Variants in COLEC12 observed in about 807,000 individuals in gnomAD.
The protein encoded by COLEC12 is collectin subfamily member 12.
In COLEC12, 33 loss-of-function variants were observed where a neutral mutation model predicts 71.1. The ratio of observed to expected loss-of-function variants is 0.46; its 90% confidence interval spans 0.35 to 0.62. COLEC12 has a LOEUF of 0.62. Among genes scored for constraint, COLEC12 ranks in the 20% least tolerant of loss-of-function variants. COLEC12 has a pLI of 0.00. For synonymous variants in COLEC12, 350 were observed against 353.0 expected (o/e 0.99, Z 0.10); for missense variants, 765 against 916.1 (o/e 0.84, Z 2.13).
At chr18:340,167 G>GT (rs1179637268) in intron 5 of COLEC12, among the ~76,000 whole-genome samples, 1 of 151,550 alleles carries the variant, frequency 6.6e-6, no homozygotes, top group African/African-American at 2.4e-5. Flanking sequence ...AACGCCGCAT[G>GT]TGGAAACACA....
intron 8 of COLEC12, 43 bp from the exon 9 acceptor site, chr18:321,850 C>G: frequency 1.3e-6 from 2 of 1,570,966 alleles, no homozygotes; most frequent in Non-Finnish European, 1.7e-6. Flanking sequence ...CACAGTAATG[C>G]AGAGCTTTTC....
rs141865226 is a variant in COLEC12, at chr18:365,620, G to A, written c.59-8098C>T. Among the ~76,000 whole-genome samples the A allele has an allele frequency of 3.3e-3, 500 of 152,236 alleles. 3 individuals are homozygous for A. Among genetic ancestry groups the A allele is most frequent in the Admixed American group, 4.6e-3 (71 of 15,296 alleles). The stretch of plus-strand genomic sequence containing the variant: ...CTGGGCAAGGTAAGACAGAGGCAAG[G>A]AAGAAGGTGACAGGAGGGTTTATCA... On this transcript the variant is annotated intron_variant, in intron 2 of 9. Transcript: ENST00000400256.
At chr18:369,437 T>TTTTTA (rs1258826408) in intron 2 of COLEC12, among the ~76,000 whole-genome samples, 1 of 121,006 alleles carries the variant, frequency 8.3e-6, no homozygotes, top group African/African-American at 3.0e-5. Context: ...TTTTATTTTT[T>TTTTTA]TTTGGAATAA....
At chr18:335,503 G>A (rs776262385) in intron 5 of COLEC12, among the ~76,000 whole-genome samples, 9 of 152,068 alleles carry the variant, frequency 5.9e-5, no homozygotes, top group African/African-American at 1.4e-4. Flanking sequence ...GAGTTAAAAC[G>A]AGGTGACATG....
intron 2 of COLEC12, among the ~76,000 whole-genome samples, chr18:375,460 C>G (rs1325691986): frequency 6.6e-6 from 1 of 152,180 alleles, no homozygotes; most frequent in African/African-American, 2.4e-5. Flanking sequence ...TCCTCCTCCC[C>G]CATGCCTCCA....
chr18:372,533 G>A lies in COLEC12; in HGVS notation c.59-15011C>T, dbSNP rs144332208. Reference sequence around the variant, plus strand: ...CCTGGGCTCAAGCAATTCTCCCACCGTAGCCTCCTCAGTAGCTGGGACTAC... The same window carrying A: ...CCTGGGCTCAAGCAATTCTCCCACCATAGCCTCCTCAGTAGCTGGGACTAC... On this transcript the variant is annotated intron_variant, in intron 2 of 9. Coordinates refer to ENST00000400256, the MANE Select transcript of COLEC12 (RefSeq NM_130386.3). Among the ~76,000 whole-genome samples, 262 of 152,096 alleles carry A rather than the reference G, an allele frequency of 1.7e-3. 1 individual carries two copies. Among genetic ancestry groups the A allele is most frequent in the Middle Eastern group, 3.4e-3 (1 of 294 alleles).
intron 2 of COLEC12, among the ~76,000 whole-genome samples, chr18:405,853 A>C (rs1186631084): frequency 6.6e-6 from 1 of 152,074 alleles, no homozygotes; most frequent in Non-Finnish European, 1.5e-5. Context: ...TGTCAGAGGC[A>C]TGTGAATCAG....
intron 5 of COLEC12, among the ~76,000 whole-genome samples, chr18:338,083 C>A (rs1914158986): frequency 6.6e-6 from 1 of 152,200 alleles, no homozygotes; most frequent in African/African-American, 2.4e-5. Context: ...GAAGGCTCCT[C>A]CCAACCTAGT....
chr18:451,594 A>T (rs999807102), intron 2 of COLEC12, among the ~76,000 whole-genome samples: 2 of 152,108 alleles, frequency 1.3e-5, no homozygotes, highest in Non-Finnish European at 1.5e-5. Flanking sequence ...AAAAAATACA[A>T]AAATTAGCCA....
In COLEC12 at chr18:334,902, G is replaced by A. The variant is rs761465282; in HGVS notation, c.1656C>T (p.Thr552=). Residue 552 remains threonine (T), a synonymous_variant, in exon 6 of 10, where the codon ACC becomes ACT. Transcript: ENST00000400256. ...GTCCAGGCACCCCAGGCTCCCCAAC[G>A]GTGCCCTGAAGTCCCTGGAAGCCAG... ...GPPGFQGLQG[T]VGEPGVPGPR... 43 of 1,539,824 alleles carry A rather than the reference G, an allele frequency of 2.8e-5. No homozygotes were observed. Among genetic ancestry groups the A allele is most frequent in the Non-Finnish European group, 3.2e-5 (37 of 1,152,580 alleles).
At chr18:420,755 T>TA (rs1176202015) in intron 2 of COLEC12, among the ~76,000 whole-genome samples, 3 of 152,258 alleles carry the variant, frequency 2.0e-5, no homozygotes, top group South Asian at 2.1e-4. Flanking sequence ...TTAACATCCT[T>TA]AAAAAAACCC....
At chr18:365,400 A>G (rs1914833459) in intron 2 of COLEC12, among the ~76,000 whole-genome samples, 1 of 152,212 alleles carries the variant, frequency 6.6e-6, no homozygotes, top group Non-Finnish European at 1.5e-5. Flanking sequence ...GAAAGAAGGT[A>G]CCTTTATAAT....
intron 2 of COLEC12, among the ~76,000 whole-genome samples, chr18:479,526 A>ACTCT (rs541393393): frequency 6.9e-4 from 99 of 144,172 alleles, no homozygotes; most frequent in East Asian, 4.1e-3. Flanking sequence ...TCATTTTCAT[A>ACTCT]CTCTCTCTCT....
At chr18:392,962 T>G (rs1915493926) in intron 2 of COLEC12, among the ~76,000 whole-genome samples, 1 of 152,262 alleles carries the variant, frequency 6.6e-6, no homozygotes, top group African/African-American at 2.4e-5. Context: ...GTTCATTGCC[T>G]GCTACCTAAT....
intron 5 of COLEC12, among the ~76,000 whole-genome samples, chr18:338,661 C>A (rs1269026106): frequency 6.6e-6 from 1 of 152,182 alleles, no homozygotes; most frequent in East Asian, 1.9e-4. Context: ...GATCTATCTC[C>A]TTTAAAAAAG....
intron 2 of COLEC12, among the ~76,000 whole-genome samples, chr18:455,937 C>T (rs7244426): frequency 0.32 from 48,665 of 151,992 alleles, 7,881 homozygotes; most frequent in African/African-American, 0.37. Context: ...GTAAATAGTT[C>T]TTTGCTATTG....
chr18:451,866 G>T (rs995173502), intron 2 of COLEC12, among the ~76,000 whole-genome samples: 5 of 152,190 alleles, frequency 3.3e-5, no homozygotes, highest in Non-Finnish European at 4.4e-5. Context: ...TTTCCAGGGG[G>T]AGGAAATCAA....
intron 2 of COLEC12, among the ~76,000 whole-genome samples, chr18:442,215 C>T (rs1423104304): frequency 6.6e-6 from 1 of 152,184 alleles, no homozygotes; most frequent in Non-Finnish European, 1.5e-5. Context: ...ATAAAGGCTA[C>T]TGTGGCTCTC....
At chr18:449,151 A>G (rs114276477) in intron 2 of COLEC12, among the ~76,000 whole-genome samples, 1 of 152,164 alleles carries the variant, frequency 6.6e-6, no homozygotes, top group Non-Finnish European at 1.5e-5. Flanking sequence ...GGTAGAATAC[A>G]TACCTTTTTA....
Sources: gnomAD v4.1 joint callset for allele counts (sites outside exome capture counted in the v4.1 genomes callset) on GRCh38, gnomAD v4.1.1 for gene constraint, MANE v1.5 for transcripts, NCBI Gene and HGNC (gene_info 2026-07-23, HGNC 2026-07-21) for gene names.